The following BTBD9 variants were observed in gnomAD, a reference collection of about 807,000 sequenced individuals.
The protein encoded by BTBD9 is BTB/POZ domain-containing protein 9.
In BTBD9, 49 loss-of-function variants were observed where a neutral mutation model predicts 64.3. The ratio of observed to expected loss-of-function variants is 0.76; its 90% CI spans 0.61 to 0.97. The LOEUF is 0.97. BTBD9 is among the 50% of genes least tolerant of loss of function. The probability of loss-of-function intolerance (pLI) is 0.00; values close to 1 mark genes in which losing one functional copy is unlikely to be tolerated. For missense variants in BTBD9, 598 were observed against 762.1 expected (o/e 0.78, Z 2.53); for synonymous variants, 260 against 274.7 (o/e 0.95, Z 0.53).
At chr6:38,276,095 A>G (rs1761228653) in intron 8 of BTBD9, among the ~76,000 whole-genome samples, 1 of 152,226 alleles carries the variant, frequency 6.6e-6, no homozygotes, top group African/African-American at 2.4e-5. Context: ...ACTTGGAACC[A>G]ACCCAAATGT....
At chr6:38,610,447 G>A (rs189179907) in intron 1 of BTBD9, among the ~76,000 whole-genome samples, 1 of 152,316 alleles carries the variant, frequency 6.6e-6, no homozygotes, top group East Asian at 1.9e-4. Flanking sequence ...AAGGGGAGGA[G>A]ACACTCAGTG....
rs532205284 is a variant in BTBD9, at chr6:38,339,529, T to C, written c.1264+5455A>G. 7.3e-4 allele frequency among the ~76,000 whole-genome samples: 111 copies of C among 152,102 alleles called. 2 individuals carry two copies. Among genetic ancestry groups the C allele is most frequent in the Non-Finnish European group, 1.2e-4 (8 of 68,020 alleles). ...ACAGTAAGGTAAAAAATATATAATATGTATGGTATATAGTGTGCTACCAAT... is the reference window on the plus strand; with the variant it reads ...ACAGTAAGGTAAAAAATATATAATACGTATGGTATATAGTGTGCTACCAAT... On this transcript the variant is annotated intron_variant, in intron 7 of 10. Coordinates refer to ENST00000481247, the MANE Select transcript of BTBD9 (RefSeq NM_001099272.2).
intron 7 of BTBD9, among the ~76,000 whole-genome samples, chr6:38,296,037 G>T (rs1012242120): frequency 6.6e-6 from 1 of 151,978 alleles, no homozygotes; most frequent in African/African-American, 2.4e-5. Flanking sequence ...AACAAAGCGA[G>T]ACTCTGTCTC....
intron 8 of BTBD9, among the ~76,000 whole-genome samples, chr6:38,286,134 C>T (rs918871937): frequency 5.3e-5 from 8 of 152,088 alleles, no homozygotes; most frequent in Middle Eastern, 3.2e-3. Flanking sequence ...GGTACAAACT[C>T]GAGGCTTCTC....
At position 38,594,005 on chromosome 6, in the gene BTBD9, G is replaced by A; in HGVS notation, c.508C>T (p.Gln170Ter). Residue 170 changes from glutamine to a stop codon, truncating the protein, a stop_gained, in exon 3 of 11, where the codon CAG (glutamine) becomes TAG (stop). Coordinates refer to ENST00000481247, the MANE Select transcript of BTBD9 (RefSeq NM_001099272.2). LOFTEE classifies it high-confidence loss of function. ...AAACCTTCACTTGAGAGGACTTCCTGAGCATTCCTATCCATAAACATGCAG... is the reference window on the plus strand; with the variant it reads ...AAACCTTCACTTGAGAGGACTTCCTAAGCATTCCTATCCATAAACATGCAG... ...MCCMFMDRNA[Q>*]EVLSSEGFLS... 1 of 1,614,004 alleles carries A rather than the reference G, an allele frequency of 6.2e-7. No individual in the cohort carries two copies. Among genetic ancestry groups the A allele is most frequent in the East Asian group, 2.2e-5 (1 of 44,888 alleles).
intron 9 of BTBD9, among the ~76,000 whole-genome samples, chr6:38,245,304 G>A (rs766180227): frequency 3.9e-5 from 6 of 152,240 alleles, no homozygotes; most frequent in Non-Finnish European, 7.3e-5. Context: ...ATAACACAGT[G>A]ATTTGATCAA....
intron 7 of BTBD9, among the ~76,000 whole-genome samples, chr6:38,316,737 CTCAGTCTTCAAATGTTCT>C (rs1763041407): frequency 6.6e-6 from 1 of 152,106 alleles, no homozygotes; most frequent in South Asian, 2.1e-4. Flanking sequence ...ATACTACAAT[CTCAGTCTTCAAATGTTCT>C]TTTTCTGTGT....
chr6:38,418,455 T>C (rs901995435), intron 6 of BTBD9, among the ~76,000 whole-genome samples: 1 of 152,208 alleles, frequency 6.6e-6, no homozygotes, highest in Non-Finnish European at 1.5e-5. Context: ...GAGAAGAGAA[T>C]GTATGTGTGT....
intron 6 of BTBD9, among the ~76,000 whole-genome samples, chr6:38,453,377 C>T (rs1372631766): frequency 1.3e-5 from 2 of 152,180 alleles, no homozygotes; most frequent in Middle Eastern, 3.2e-3. Context: ...GAAACCTCCA[C>T]ATTTGCATGA....
chr6:38,362,238 A>G (rs1764990750), intron 6 of BTBD9, among the ~76,000 whole-genome samples: 1 of 152,296 alleles, frequency 6.6e-6, no homozygotes, highest in East Asian at 1.9e-4. Flanking sequence ...TTTCTCCCTC[A>G]TCAGTGCTCA....
chr6:38,545,562 G>A (rs564846327), intron 6 of BTBD9, among the ~76,000 whole-genome samples: 33 of 152,004 alleles, frequency 2.2e-4, no homozygotes, highest in African/African-American at 7.0e-4. Context: ...GGCAAATCAC[G>A]AGGTCAGGAG....
In BTBD9 at chr6:38,576,056, T is replaced by C. The variant is rs77650119; in HGVS notation, c.1154+1544A>G. On this transcript the variant is annotated intron_variant, in intron 6 of 10. Coordinates refer to ENST00000481247, the MANE Select transcript of BTBD9 (RefSeq NM_001099272.2). ...ACACAGGCTGTCATGGCTGGTATTA[T>C]TATATTCATAATGATTTGTTCTGGG... is the stretch of plus-strand genomic sequence containing the variant. Among the ~76,000 whole-genome samples, 222 of 152,350 alleles carry C rather than the reference T, an allele frequency of 1.5e-3. 3 individuals are homozygous for C. In the East Asian group the frequency reaches 0.035, roughly 24 times the overall value.
intron 10 of BTBD9, among the ~76,000 whole-genome samples, chr6:38,182,323 G>GT (rs1761594441): frequency 6.6e-6 from 1 of 152,216 alleles, no homozygotes; most frequent in African/African-American, 2.4e-5. Context: ...TGTTTTTTAT[G>GT]TGTGTACACT....
chr6:38,462,100 T>C (rs1438351568), intron 6 of BTBD9, among the ~76,000 whole-genome samples: 1 of 152,208 alleles, frequency 6.6e-6, no homozygotes, highest in Admixed American at 6.5e-5. Flanking sequence ...TTCTCCCAGT[T>C]TGTAACTTAT....
At chr6:38,546,700 G>A (rs899738551) in intron 6 of BTBD9, among the ~76,000 whole-genome samples, 3 of 152,204 alleles carry the variant, frequency 2.0e-5, no homozygotes, top group South Asian at 2.1e-4. Flanking sequence ...ACGGAGTCTC[G>A]CTCTGTTAGC....
chr6:38,354,072 C>G (rs1258170857), intron 6 of BTBD9, among the ~76,000 whole-genome samples: 1 of 152,080 alleles, frequency 6.6e-6, no homozygotes, highest in Non-Finnish European at 1.5e-5. Flanking sequence ...GAATTAGTCT[C>G]TCCCCAAAGA....
At chr6:38,205,996 T>A (rs1324789470) in intron 9 of BTBD9, among the ~76,000 whole-genome samples, 1 of 151,006 alleles carries the variant, frequency 6.6e-6, no homozygotes, top group East Asian at 1.9e-4. Flanking sequence ...GATCCCAGGA[T>A]GAGAGCCGTA....
At chr6:38,599,263 A>T (rs1777165659) in intron 1 of BTBD9, among the ~76,000 whole-genome samples, 1 of 152,152 alleles carries the variant, frequency 6.6e-6, no homozygotes, top group African/African-American at 2.4e-5. Flanking sequence ...AAAAATGTTT[A>T]TATTTTTTAA....
intron 6 of BTBD9, among the ~76,000 whole-genome samples, chr6:38,542,166 T>C (rs1267508260): frequency 6.6e-6 from 1 of 152,208 alleles, no homozygotes; most frequent in Admixed American, 6.5e-5. Context: ...TTATCTCTTG[T>C]ATATACACAA....
Sources: allele counts gnomAD v4.1 joint callset (sites outside exome capture counted in the v4.1 genomes callset), GRCh38; gene constraint gnomAD v4.1.1; transcripts MANE v1.5; gene names NCBI Gene and HGNC (gene_info 2026-07-23, HGNC 2026-07-21).